The following EPHA6 variants were observed in gnomAD, a reference collection of about 807,000 sequenced individuals.
The protein encoded by EPHA6 is EPH receptor A6, also known as ephrin type-A receptor 6.
In EPHA6, 50 loss-of-function variants were observed where a neutral mutation model predicts 112.0. The observed-to-expected ratio is 0.45, with a 90% CI of 0.36 to 0.56. The LOEUF is 0.56. EPHA6 is among the 20% of genes least tolerant of loss of function. The probability of loss-of-function intolerance (pLI) is 0.00; values close to 1 mark genes in which losing one functional copy is unlikely to be tolerated. For synonymous variants in EPHA6, 529 were observed against 490.7 expected (o/e 1.08, Z -1.03); for missense variants, 1,280 against 1,417.4 (o/e 0.90, Z 1.56).
At chr3:97,454,076 G>A (rs1359114077) in intron 7 of EPHA6, among the ~76,000 whole-genome samples, 1 of 151,724 alleles carries the variant, frequency 6.6e-6, no homozygotes, top group Admixed American at 6.6e-5. Flanking sequence ...AAAATAATCT[G>A]TATCTTCATC....
intron 11 of EPHA6, among the ~76,000 whole-genome samples, chr3:97,573,089 C>T (rs760774456): frequency 5.3e-5 from 8 of 152,146 alleles, no homozygotes; most frequent in Non-Finnish European, 1.0e-4. Flanking sequence ...GGCAAGAAAA[C>T]AGTCAAGTTT....
intron 3 of EPHA6, among the ~76,000 whole-genome samples, chr3:97,045,367 A>C (rs1003215828): frequency 1.3e-5 from 2 of 152,068 alleles, no homozygotes; most frequent in African/African-American, 4.8e-5. Flanking sequence ...GGTATGTCAC[A>C]AAATGATAAA....
chr3:97,126,984 G>T (rs2048200280), intron 3 of EPHA6, among the ~76,000 whole-genome samples: 1 of 151,192 alleles, frequency 6.6e-6, no homozygotes, highest in Admixed American at 6.6e-5. Flanking sequence ...GAAAAAGACT[G>T]CAGGGTAGGG....
chr3:97,551,475 T>A (rs1221117756), intron 11 of EPHA6, among the ~76,000 whole-genome samples: 6 of 152,202 alleles, frequency 3.9e-5, no homozygotes, highest in Admixed American at 3.3e-4. Context: ...TTTTTTCTCC[T>A]TTCATTTACA....
At chr3:97,537,908 AAGAC>A (rs2092786364) in intron 11 of EPHA6, among the ~76,000 whole-genome samples, 1 of 152,190 alleles carries the variant, frequency 6.6e-6, no homozygotes. Flanking sequence ...GTAATGAAAA[AAGAC>A]AGAACTAACT....
rs199974496 is a variant in EPHA6 at position 97,720,362 on chromosome 3, G to A, written c.2886G>A (p.Glu962=). 2.1e-5 allele frequency: 34 copies of A among 1,610,330 alleles called. No individual in the cohort carries two copies. The African/African-American group carries it at 3.9e-4, about 18-fold the overall frequency. Reference sequence around the variant, plus strand: ...GGAGCTATGGCATTGTCATGTGGGAGGTCATGTCCTATGGAGAGAGACCTT... The same window carrying A: ...GGAGCTATGGCATTGTCATGTGGGAAGTCATGTCCTATGGAGAGAGACCTT... The part of the protein sequence containing the change: ...DAWSYGIVMW[E]VMSYGERPYW... The change falls in exon 15 of 18, where the codon GAG becomes GAA. Residue 962 remains glutamate, a synonymous_variant. Coordinates refer to ENST00000389672, the MANE Select transcript of EPHA6 (RefSeq NM_001080448.3).
intron 3 of EPHA6, among the ~76,000 whole-genome samples, chr3:97,118,593 C>A (rs925504706): frequency 6.6e-6 from 1 of 151,820 alleles, no homozygotes; most frequent in Admixed American, 6.6e-5. Flanking sequence ...CCAGTTTCCT[C>A]ACCATATTCA....
intron 5 of EPHA6, among the ~76,000 whole-genome samples, chr3:97,402,997 G>A (rs1404182316): frequency 2.0e-5 from 3 of 152,046 alleles, no homozygotes; most frequent in Non-Finnish European, 4.4e-5. Context: ...GTACATTTAA[G>A]TAGATTTCTG....
At chr3:96,940,945 G>T (rs1655859268) in intron 2 of EPHA6, among the ~76,000 whole-genome samples, 1 of 152,204 alleles carries the variant, frequency 6.6e-6, no homozygotes, top group Non-Finnish European at 1.5e-5. Context: ...CTTCTGGCTT[G>T]TAGAGTTTCT....
At chr3:97,247,075 A>G (rs1021491894) in intron 5 of EPHA6, among the ~76,000 whole-genome samples, 27 of 152,060 alleles carry the variant, frequency 1.8e-4, no homozygotes, top group African/African-American at 6.0e-4. Flanking sequence ...TATTGCTTCA[A>G]ATACAGGAAA....
intron 2 of EPHA6, among the ~76,000 whole-genome samples, chr3:96,982,127 G>C (rs1191435935): frequency 2.6e-5 from 4 of 152,022 alleles, no homozygotes; most frequent in African/African-American, 9.7e-5. Context: ...TGCTTTTCTA[G>C]TTCTTTTAAT....
chr3:97,590,981 A>G (rs970588959), intron 11 of EPHA6, among the ~76,000 whole-genome samples: 4 of 152,174 alleles, frequency 2.6e-5, no homozygotes, highest in African/African-American at 9.7e-5. Flanking sequence ...ATGCATTCAC[A>G]AGGAAGTTTG....
At chr3:97,592,427 T>G (rs2093553513) in intron 11 of EPHA6, among the ~76,000 whole-genome samples, 185 bp from the exon 12 acceptor site, 2 of 151,800 alleles carry the variant, frequency 1.3e-5, no homozygotes, top group Non-Finnish European at 2.9e-5. Context: ...TGAGTAGCTT[T>G]CTTTTCAAGA....
chr3:97,550,971 C>G (rs2093021591), intron 11 of EPHA6, among the ~76,000 whole-genome samples: 2 of 152,120 alleles, frequency 1.3e-5, no homozygotes. Flanking sequence ...AAGCTCAATT[C>G]TAAATTTTAA....
chr3:97,295,655 G>A (rs1306308698), intron 5 of EPHA6, among the ~76,000 whole-genome samples: 1 of 149,878 alleles, frequency 6.7e-6, no homozygotes, highest in South Asian at 2.1e-4. Flanking sequence ...TCTGTGCATT[G>A]GTGCAACAGT....
chr3:97,184,667 C>T (rs931670645), intron 3 of EPHA6, among the ~76,000 whole-genome samples: 3 of 152,128 alleles, frequency 2.0e-5, no homozygotes, highest in South Asian at 2.1e-4. Flanking sequence ...TCAATGCCAT[C>T]CCCATCAAGC....
intron 5 of EPHA6, among the ~76,000 whole-genome samples, chr3:97,340,349 G>A (rs1445179723): frequency 6.6e-6 from 1 of 152,180 alleles, no homozygotes; most frequent in African/African-American, 2.4e-5. Flanking sequence ...ACTAAGAAGT[G>A]ACAGGGTGAG....
intron 11 of EPHA6, among the ~76,000 whole-genome samples, chr3:97,587,173 G>A (rs1378946470): frequency 6.6e-6 from 1 of 151,802 alleles, no homozygotes; most frequent in East Asian, 1.9e-4. Flanking sequence ...AACCCGGGAG[G>A]CAGAATGGCA....
At chr3:97,561,923 C>T (rs955130411) in intron 11 of EPHA6, among the ~76,000 whole-genome samples, 1 of 152,042 alleles carries the variant, frequency 6.6e-6, no homozygotes, top group East Asian at 1.9e-4. Context: ...TCTACTTTGC[C>T]TTTGCTCTTT....
Sources: allele counts gnomAD v4.1 joint callset (sites outside exome capture counted in the v4.1 genomes callset), GRCh38; gene constraint gnomAD v4.1.1; transcripts MANE v1.5; gene names NCBI Gene and HGNC (gene_info 2026-07-23, HGNC 2026-07-21).